SLC4A5: variants seen among roughly 807,000 people sequenced by gnomAD.
SLC4A5 encodes electrogenic sodium bicarbonate cotransporter 4.
In SLC4A5, 96 loss-of-function variants were observed where a neutral mutation model predicts 120.4. That is an observed-to-expected ratio of 0.80 (90% confidence interval 0.68 to 0.94). SLC4A5 has a LOEUF of 0.94. Among genes scored for constraint, SLC4A5 ranks in the 40% least tolerant of loss-of-function variants. The pLI is 0.00. For missense variants in SLC4A5, 1,259 were observed against 1,459.5 expected, an observed-to-expected ratio of 0.86 and a Z score of 2.24; for synonymous variants, 550 against 571.1, an observed-to-expected ratio of 0.96 and a Z score of 0.53.
chr2:74,273,930 A>C (rs1276018623), intron 8 of SLC4A5, among the ~76,000 whole-genome samples: 3 of 152,182 alleles, frequency 2.0e-5, no homozygotes, highest in Non-Finnish European at 4.4e-5. Context: ...TTGGGAGGCC[A>C]AGGCAGGCAG....
intron 8 of SLC4A5, among the ~76,000 whole-genome samples, chr2:74,278,990 C>G (rs2104128796): frequency 6.6e-6 from 1 of 152,310 alleles, no homozygotes; most frequent in Admixed American, 6.5e-5. Context: ...TCCCTCAACT[C>G]CCTGCTAGGA....
At chr2:74,248,531 G>C in intron 17 of SLC4A5, 45 bp from the exon 18 acceptor site, 1 of 1,608,454 alleles carries the variant, frequency 6.2e-7, no homozygotes, top group Non-Finnish European at 8.5e-7. Context: ...AAGGAGAAGC[G>C]GTCTCTCCAC....
intron 6 of SLC4A5, among the ~76,000 whole-genome samples, chr2:74,309,163 C>T (rs1248719808): frequency 4.6e-5 from 7 of 152,114 alleles, no homozygotes; most frequent in Admixed American, 6.6e-5. Context: ...AAACAATCCT[C>T]CCGCCTTGGC....
chr2:74,331,703 C>A (rs1673370819), intron 4 of SLC4A5, among the ~76,000 whole-genome samples: 1 of 152,034 alleles, frequency 6.6e-6, no homozygotes, highest in African/African-American at 2.4e-5. Flanking sequence ...ATCTACCTCT[C>A]TCCCTCCAAG....
At chr2:74,270,693 A>C (rs1671447383) in intron 8 of SLC4A5, among the ~76,000 whole-genome samples, 1 of 152,116 alleles carries the variant, frequency 6.6e-6, no homozygotes, top group Non-Finnish European at 1.5e-5. Flanking sequence ...AAAACAAAAC[A>C]AAAACCAATG....
intron 10 of SLC4A5, 130 bp downstream of exon 10, chr2:74,264,017 A>G: frequency 1.7e-6 from 2 of 1,209,032 alleles, no homozygotes; most frequent in Admixed American, 2.8e-5. Flanking sequence ...CCAGAGAAGG[A>G]GGCTGAGGGA....
rs1488844353 is a variant in SLC4A5, at chr2:74,227,934, C to A, written c.2848-56G>T. ...TCTGCCTGGGGCGGCCCTTGGCCACCCTGTTCTGGATGACAGTGGCTCCTG... is the reference window on the plus strand; with the variant it reads ...TCTGCCTGGGGCGGCCCTTGGCCACACTGTTCTGGATGACAGTGGCTCCTG... On this transcript the variant is annotated intron_variant, in intron 25 of 30. Transcript: ENST00000394019. The A allele has an allele frequency of 1.0e-5, 14 of 1,398,550 alleles. No individual in the cohort carries two copies. The Admixed American group carries it at 3.0e-4, about 30-fold the overall frequency. 86.6% of individuals were successfully genotyped at this position (1,398,550 alleles called of 1,614,324 possible).
chr2:74,332,618 CA>C (rs2104344764), intron 4 of SLC4A5, among the ~76,000 whole-genome samples: 1 of 152,198 alleles, frequency 6.6e-6, no homozygotes, highest in South Asian at 2.1e-4. Context: ...TCCTCCTGCA[CA>C]AAGTACTCTT....
exon 20 of SLC4A5, chr2:74,241,996 G>T (rs759043668): frequency 6.2e-7 from 1 of 1,603,916 alleles, no homozygotes; most frequent in African/African-American, 1.3e-5. Flanking sequence ...GGACTTACCA[G>T]AGAAGCGTTG....
intron 12 of SLC4A5, among the ~76,000 whole-genome samples, chr2:74,258,988 G>C (rs1050770789): frequency 6.6e-6 from 1 of 152,136 alleles, no homozygotes; most frequent in African/African-American, 2.4e-5. Flanking sequence ...TGTCCTTGAG[G>C]TATGCAGGAG....
chr2:74,329,939 G>A (rs1366352421), intron 4 of SLC4A5, among the ~76,000 whole-genome samples: 3 of 151,694 alleles, frequency 2.0e-5, no homozygotes, highest in East Asian at 3.9e-4. Context: ...GGTGTGAGGT[G>A]GAGATGGAGA....
intron 21 of SLC4A5, among the ~76,000 whole-genome samples, chr2:74,237,166 C>T (rs1233142941): frequency 2.0e-5 from 3 of 151,976 alleles, no homozygotes; most frequent in South Asian, 2.1e-4. Flanking sequence ...TTAGTAGAGA[C>T]GGGGATTCAC....
intron 8 of SLC4A5, among the ~76,000 whole-genome samples, chr2:74,270,361 T>C (rs1221359874): frequency 6.6e-6 from 1 of 152,144 alleles, no homozygotes. Context: ...TAGAATAACT[T>C]GGAGAGATTT....
exon 16 of SLC4A5, chr2:74,252,184 T>G: frequency 6.2e-7 from 1 of 1,612,786 alleles, no homozygotes; most frequent in Non-Finnish European, 8.5e-7. Flanking sequence ...GGCACCTTCC[T>G]GTCCAGATAA....
At chr2:74,267,182 C>T (rs758294681) in intron 8 of SLC4A5, among the ~76,000 whole-genome samples, 2 of 152,168 alleles carry the variant, frequency 1.3e-5, no homozygotes, top group Non-Finnish European at 2.9e-5. Context: ...TCAGTGAAAA[C>T]ATGGGGAGGT....
chr2:74,316,152 C>G (rs975139428), intron 5 of SLC4A5, among the ~76,000 whole-genome samples: 5 of 151,574 alleles, frequency 3.3e-5, no homozygotes, highest in South Asian at 2.1e-4. Context: ...AGCCACAAGG[C>G]TAATACATGG....
intron 7 of SLC4A5, among the ~76,000 whole-genome samples, chr2:74,291,944 A>G (rs1231720035): frequency 6.6e-6 from 1 of 152,116 alleles, no homozygotes; most frequent in Non-Finnish European, 1.5e-5. Context: ...CAATACCCAA[A>G]AAAAGATGGC....
exon 22 of SLC4A5, chr2:74,235,170 C>G: frequency 6.2e-7 from 1 of 1,614,118 alleles, no homozygotes. Flanking sequence ...CACAGAACAT[C>G]AGGATGGAGA....
At chr2:74,314,825 G>C (rs1672912854) in intron 6 of SLC4A5, 120 bp downstream of exon 6, 7 of 863,012 alleles carry the variant, frequency 8.1e-6, no homozygotes, top group Admixed American at 1.8e-5. Flanking sequence ...AGACACTGTG[G>C]ATGAGTCAGG....
Sources: allele counts gnomAD v4.1 joint callset (sites outside exome capture counted in the v4.1 genomes callset), GRCh38; gene constraint gnomAD v4.1.1; transcripts MANE v1.5; gene names NCBI Gene and HGNC (gene_info 2026-07-23, HGNC 2026-07-21).